The following FNTB variants were observed in gnomAD, a reference collection of about 807,000 sequenced individuals.
FNTB encodes the protein farnesyltransferase, CAAX box, subunit beta.
FNTB carries 27 observed loss-of-function variants against 59.4 expected under a neutral mutation model. The ratio of observed to expected loss-of-function variants is 0.45; its 90% CI spans 0.34 to 0.63. The LOEUF (loss-of-function observed/expected upper bound fraction) is 0.63. Among genes scored for constraint, FNTB ranks in the 20% least tolerant of loss-of-function variants. The probability of loss-of-function intolerance (pLI) is 0.02; values close to 1 mark genes in which losing one functional copy is unlikely to be tolerated. For missense variants in FNTB, 449 were observed against 559.6 expected (o/e 0.80, Z 1.99); for synonymous variants, 230 against 220.7 (o/e 1.04, Z -0.37).
chr14:65,027,734 A>T lies in FNTB; in HGVS notation c.558A>T (p.Gln186His). 1 of 1,614,198 alleles carries T rather than the reference A, an allele frequency of 6.2e-7. No individual in the cohort carries two copies. The highest frequency in any genetic ancestry group is 8.5e-7 in the Non-Finnish European group (1 of 1,180,044). Residue 186 changes from glutamine (Q) to histidine (H), a missense_variant, in exon 6 of 12, where the codon CAA becomes CAT. Physicochemically the swap from Gln to His is conservative, Grantham distance 24. Coordinates refer to ENST00000246166, the MANE Select transcript of FNTB (RefSeq NM_002028.4). The surrounding 1 kb of genome is among the most constrained non-coding windows in gnomAD (Gnocchi z 5.7). ...KLLQYLYSLK[Q>H]PDGSFLMHVG... ...TTCAGTATTTGTACTCCCTGAAGCA[A>T]CCTGACGGCTCCTTTCTCATGCATG...
intron 4 of FNTB, among the ~76,000 whole-genome samples, chr14:65,019,504 A>G (rs2061847955): frequency 1.9e-5 from 2 of 102,880 alleles, no homozygotes; most frequent in African/African-American, 4.5e-5. Flanking sequence ...CAAACAAACA[A>G]AACATTTTTT....
Position 65,061,484 on chromosome 14 carries a change from CAG to C in FNTB, c.*173_*174del. 8.4e-6 allele frequency: 10 copies of C among 1,191,162 alleles called. No homozygotes were observed. In the South Asian group the frequency reaches 1.5e-4, roughly 18 times the overall value. The allele number at this position is 1,191,162 out of a possible 1,614,324, so 73.8% of individuals were successfully genotyped here. On this transcript the variant is annotated 3_prime_UTR_variant, in exon 12 of 12. Transcript: ENST00000246166. Reference sequence around the variant, plus strand: ...CCAATGGCTCTGGGTTTGGAGAACACAGTGGCTGGTTTTAAAAATTCTTTCCA... The same window carrying C: ...CCAATGGCTCTGGGTTTGGAGAACACTGGCTGGTTTTAAAAATTCTTTCCA...
intron 11 of FNTB, among the ~76,000 whole-genome samples, chr14:65,056,828 C>G (rs896567678): frequency 1.2e-4 from 19 of 152,252 alleles, no homozygotes; most frequent in African/African-American, 4.3e-4. Flanking sequence ...AAGAGAATAC[C>G]TGAGACTAGG....
At chr14:64,996,589 G>A (rs1447205066) in intron 1 of FNTB, among the ~76,000 whole-genome samples, 1 of 152,198 alleles carries the variant, frequency 6.6e-6, no homozygotes, top group African/African-American at 2.4e-5. Context: ...TGAGAACACA[G>A]CTTCTGCGTA....
At chr14:64,993,222 A>C (rs1000886177) in intron 1 of FNTB, among the ~76,000 whole-genome samples, 1 of 152,150 alleles carries the variant, frequency 6.6e-6, no homozygotes, top group Non-Finnish European at 1.5e-5. Flanking sequence ...TGAGCCCACA[A>C]ATTCGAGACA....
chr14:65,048,249 C>T, intron 9 of FNTB, among the ~76,000 whole-genome samples: 1 of 151,500 alleles, frequency 6.6e-6, no homozygotes, highest in African/African-American at 2.4e-5. Flanking sequence ...ACACAAAGTG[C>T]TGAGATTACA....
intron 7 of FNTB, among the ~76,000 whole-genome samples, chr14:65,038,527 G>T (rs894368744): frequency 1.3e-5 from 2 of 151,828 alleles, no homozygotes; most frequent in African/African-American, 4.8e-5. Context: ...AAACCAGCCT[G>T]ACCAACATGG....
Position 65,031,107 on chromosome 14 carries a change from C to CTAAT in FNTB, c.606-1503_606-1502insTAAT. 6.6e-6 allele frequency among the ~76,000 whole-genome samples: 1 copy of CTAAT among 151,796 alleles called. No homozygotes were observed. The highest frequency in any genetic ancestry group is 2.4e-5 in the African/African-American group (1 of 41,274). On this transcript the variant is annotated intron_variant, in intron 6 of 11. Transcript: ENST00000246166. The surrounding 1 kb of genome is among the most constrained non-coding windows in gnomAD (Gnocchi z 4.6). ...ACAGGCATGAGCTACCATGCCTGGCCAGGAGAAGGATTTTTGAGCAGAATT... is the reference window on the plus strand; with the variant it reads ...ACAGGCATGAGCTACCATGCCTGGCCTAATAGGAGAAGGATTTTTGAGCAGAATT...
At chr14:65,036,930 G>A (rs999656138) in intron 7 of FNTB, among the ~76,000 whole-genome samples, 18 of 151,954 alleles carry the variant, frequency 1.2e-4, no homozygotes, top group Admixed American at 9.8e-4. Context: ...GAGCCACCTC[G>A]CCTGGCCTGG....
chr14:65,037,805 G>A (rs1269259482), intron 7 of FNTB, among the ~76,000 whole-genome samples: 1 of 145,596 alleles, frequency 6.9e-6, no homozygotes, highest in Non-Finnish European at 1.5e-5. Flanking sequence ...TATTGAGATG[G>A]TGCCTTGCTC....
chr14:65,037,137 G>C (rs1489001392), intron 7 of FNTB, among the ~76,000 whole-genome samples: 2 of 148,254 alleles, frequency 1.3e-5, no homozygotes, highest in Non-Finnish European at 3.0e-5. Context: ...GAGTCTTGCT[G>C]TTGTTACCCG....
At chr14:65,050,471 A>AT in intron 9 of FNTB, among the ~76,000 whole-genome samples, 1 of 152,208 alleles carries the variant, frequency 6.6e-6, no homozygotes, top group South Asian at 2.1e-4. Flanking sequence ...TGTACCTGTA[A>AT]TCCAAGGTAC....
intron 1 of FNTB, among the ~76,000 whole-genome samples, chr14:64,992,359 T>TA (rs1888233390): frequency 6.6e-6 from 1 of 152,224 alleles, no homozygotes; most frequent in South Asian, 2.1e-4. Context: ...TATACCTACT[T>TA]AAAATCACCT....
chr14:64,989,272 C>CAAAA (rs58654871), intron 1 of FNTB, among the ~76,000 whole-genome samples: 9 of 69,906 alleles, frequency 1.3e-4, no homozygotes, highest in African/African-American at 2.7e-4. Context: ...CTGTCTCTAC[C>CAAAA]AAAAAAAAAA....
intron 4 of FNTB, among the ~76,000 whole-genome samples, chr14:65,018,891 A>C (rs961264309): frequency 6.6e-6 from 1 of 151,626 alleles, no homozygotes; most frequent in African/African-American, 2.4e-5. Flanking sequence ...TGGGTGGATC[A>C]CCTGAGGTCG....
chr14:65,019,113 C>T (rs1159872361), intron 4 of FNTB, among the ~76,000 whole-genome samples: 1 of 152,090 alleles, frequency 6.6e-6, no homozygotes, highest in Non-Finnish European at 1.5e-5. Context: ...GCGGAGGTTG[C>T]GGTGAGCCAA....
Position 65,054,820 on chromosome 14 carries a change from G to A in FNTB, c.1182+131G>A, listed in dbSNP as rs748002178. ...GAAGCTTGTGGTCCCTCTGCCCTTC[G>A]AGCTGTGCAGCCGTTAGTGAGGATG... is the stretch of plus-strand genomic sequence containing the variant. On this transcript the variant is annotated intron_variant, in intron 11 of 11. Coordinates refer to ENST00000246166, the MANE Select transcript of FNTB (RefSeq NM_002028.4). This position sits in a 1 kb window ranked among gnomAD's most constrained non-coding sequence, Gnocchi z 4.4. 1.6e-4 allele frequency: 165 copies of A among 1,002,394 alleles called. No individual in the cohort carries two copies. The Admixed American group carries it at 2.6e-3, about 16-fold the overall frequency. 62.1% of individuals were successfully genotyped at this position (1,002,394 alleles called of 1,614,324 possible).
Position 65,044,468 on chromosome 14 carries a change from G to A in FNTB, c.955+25G>A. The A allele has an allele frequency of 6.3e-7, 1 of 1,582,102 alleles. No homozygotes were observed. Among genetic ancestry groups the A allele is most frequent in the Non-Finnish European group, 8.6e-7 (1 of 1,168,404 alleles). On this transcript the variant is annotated intron_variant, in intron 9 of 11. Transcript: ENST00000246166. This position sits in a 1 kb window ranked among gnomAD's most constrained non-coding sequence, Gnocchi z 5.5. ...GGTGAGCCTGGGGAGCTGTTCACTT[G>A]GGGCTGGATGATTTCCCTCCACTAC...
In FNTB at chr14:64,991,704, G is replaced by A. The variant is rs188604383; in HGVS notation, c.144+4607G>A. 6.6e-6 allele frequency among the ~76,000 whole-genome samples: 1 copy of A among 152,318 alleles called. No homozygotes were observed. Among genetic ancestry groups the A allele is most frequent in the East Asian group, 1.9e-4 (1 of 5,186 alleles). On this transcript the variant is annotated intron_variant, in intron 1 of 11. Transcript: ENST00000246166. This position sits in a 1 kb window ranked among gnomAD's most constrained non-coding sequence, Gnocchi z 4.4. ...TTTGGGGAGTTGAAAAGCCATCTGTGTGGGCTGAGGTGGTCAGGATGACTT... is the reference window on the plus strand; with the variant it reads ...TTTGGGGAGTTGAAAAGCCATCTGTATGGGCTGAGGTGGTCAGGATGACTT...
Sources: allele counts gnomAD v4.1 joint callset (sites outside exome capture counted in the v4.1 genomes callset), GRCh38; gene constraint gnomAD v4.1.1; non-coding constraint Gnocchi (gnomAD v3.1); transcripts MANE v1.5; gene names NCBI Gene and HGNC (gene_info 2026-07-23, HGNC 2026-07-21).